The following TRPM7 variants were observed in gnomAD, a reference collection of about 807,000 sequenced individuals.
The protein encoded by TRPM7 is transient receptor potential cation channel subfamily M member 7.
In TRPM7, 134 loss-of-function variants were observed where a neutral mutation model predicts 229.7. The ratio of observed to expected loss-of-function variants is 0.58; its 90% CI spans 0.51 to 0.67. The LOEUF (loss-of-function observed/expected upper bound fraction) is 0.67. Ranked by LOEUF, TRPM7 falls within the 30% of genes least tolerant of loss-of-function variation. The pLI is 0.00. For synonymous variants in TRPM7, 699 were observed against 715.2 expected (o/e 0.98, Z 0.36); for missense variants, 1,901 against 2,210.0 (o/e 0.86, Z 2.80).
intron 21 of TRPM7, among the ~76,000 whole-genome samples, chr15:50,600,732 A>G (rs771180750): frequency 1.6e-4 from 25 of 152,258 alleles, no homozygotes; most frequent in Non-Finnish European, 1.0e-4. Flanking sequence ...AAGGCCGGAT[A>G]AAGTAATTTT....
chr15:50,594,005 A>C (rs1596132139), intron 24 of TRPM7, among the ~76,000 whole-genome samples: 2 of 152,202 alleles, frequency 1.3e-5, no homozygotes, highest in East Asian at 1.9e-4. Context: ...TCCCTCCGCT[A>C]TCTCTCTCAT....
At chr15:50,646,316 C>A (rs908615930) in intron 4 of TRPM7, among the ~76,000 whole-genome samples, 19 of 152,126 alleles carry the variant, frequency 1.2e-4, no homozygotes, top group Admixed American at 1.2e-3. Flanking sequence ...AGGTCTGGCT[C>A]TGTTGCCCAG....
At chr15:50,665,668 G>A (rs889344769) in intron 1 of TRPM7, among the ~76,000 whole-genome samples, 1 of 152,122 alleles carries the variant, frequency 6.6e-6, no homozygotes, top group Non-Finnish European at 1.5e-5. Context: ...TGCATGTATA[G>A]GAAAATGTAT....
rs1434536997 is a variant in TRPM7, at chr15:50,592,375, G to C, written c.3860C>G (p.Ser1287Cys). ...NLIDDGPVRP[S>C]VWKKHGVVNT... ...TACAACACCATGCTTTTTCCATACA[G>C]AAGGTCTTACAGGACCATCATCAAT... Residue 1287 changes from serine to cysteine, a missense_variant, in exon 26 of 39, where the codon TCT becomes TGT. Physicochemically the swap from Ser to Cys is moderately radical, Grantham distance 112. Coordinates refer to ENST00000646667, the MANE Select transcript of TRPM7 (RefSeq NM_017672.6). The C allele has an allele frequency of 6.2e-7, 1 of 1,614,168 alleles. No homozygotes were observed. The highest frequency in any genetic ancestry group is 8.5e-7 in the Non-Finnish European group (1 of 1,180,028).
chr15:50,676,698 T>G (rs1248727737), intron 1 of TRPM7, among the ~76,000 whole-genome samples: 24 of 152,124 alleles, frequency 1.6e-4, no homozygotes, highest in Admixed American at 1.6e-3. Flanking sequence ...TAAGGCTTTT[T>G]GCCTGAAAAC....
intron 5 of TRPM7, among the ~76,000 whole-genome samples, chr15:50,643,101 C>T (rs1422253177): frequency 6.6e-6 from 1 of 151,992 alleles, no homozygotes; most frequent in Non-Finnish European, 1.5e-5. Context: ...CCAGCCTGAC[C>T]AATATGGTGA....
rs1032767822 is a variant in TRPM7, at chr15:50,558,772, G to A, written c.*2906C>T. The A allele has an allele frequency of 6.6e-6, 1 of 151,970 alleles. No individual in the cohort carries two copies. Among genetic ancestry groups the A allele is most frequent in the African/African-American group, 2.4e-5 (1 of 41,394 alleles). The allele number at this position is 151,970 out of a possible 1,614,324, so 9.4% of individuals were successfully genotyped here. On this transcript the variant is annotated 3_prime_UTR_variant, in exon 39 of 39. Coordinates refer to ENST00000646667, the MANE Select transcript of TRPM7 (RefSeq NM_017672.6). ...GGTACGTGTGGTGGTGCATGCCTGT[G>A]GTTCCACCTAATCAAGAGGCAGTGG...
At chr15:50,682,203 T>C (rs1241826305) in intron 1 of TRPM7, among the ~76,000 whole-genome samples, 2 of 94,976 alleles carry the variant, frequency 2.1e-5, no homozygotes, top group Admixed American at 1.2e-4. Flanking sequence ...GACTGTGACC[T>C]GGCAAAAATA....
chr15:50,615,048 G>A (rs2060181650), intron 13 of TRPM7, among the ~76,000 whole-genome samples: 1 of 151,550 alleles, frequency 6.6e-6, no homozygotes, highest in South Asian at 2.1e-4. Flanking sequence ...GCAGGCACCT[G>A]TAATCCCAGC....
chr15:50,583,746 T>G (rs561294516), intron 28 of TRPM7, among the ~76,000 whole-genome samples: 11 of 152,072 alleles, frequency 7.2e-5, no homozygotes, highest in Non-Finnish European at 1.6e-4. Context: ...CCGGCTAATT[T>G]TGTTTTCAGT....
chr15:50,583,336 G>T (rs2054517837), intron 28 of TRPM7, among the ~76,000 whole-genome samples, 177 bp from the exon 29 acceptor site: 1 of 151,968 alleles, frequency 6.6e-6, no homozygotes, highest in African/African-American at 2.4e-5. Flanking sequence ...TTTATTTTGA[G>T]TAAACTATTC....
chr15:50,571,957 G>A (rs2053912172), intron 36 of TRPM7, among the ~76,000 whole-genome samples: 1 of 152,190 alleles, frequency 6.6e-6, no homozygotes, highest in Admixed American at 6.5e-5. Flanking sequence ...AAATGGCACT[G>A]CGTGCTACAG....
At chr15:50,580,946 A>G in intron 29 of TRPM7, 38 bp from the exon 30 acceptor site, 5 of 1,558,552 alleles carry the variant, frequency 3.2e-6, no homozygotes, top group Non-Finnish European at 4.3e-6. Context: ...CAAAAACCTT[A>G]AAGACAAAAA....
intron 3 of TRPM7, 139 bp from the exon 4 acceptor site, chr15:50,649,024 T>C: frequency 1.8e-6 from 1 of 543,120 alleles, no homozygotes; most frequent in Non-Finnish European, 3.0e-6. Flanking sequence ...AGCTTTTTGA[T>C]TTTAGGATAT....
intron 37 of TRPM7, 44 bp from the exon 38 acceptor site, chr15:50,570,037 G>A (rs1175203392): frequency 1.3e-5 from 20 of 1,584,170 alleles, no homozygotes; most frequent in East Asian, 2.2e-5. Context: ...AAAAAAGGGG[G>A]CAGTTTATAC....
At chr15:50,573,289 T>C (rs981575843) in intron 36 of TRPM7, among the ~76,000 whole-genome samples, 4 of 152,236 alleles carry the variant, frequency 2.6e-5, no homozygotes, top group Admixed American at 6.5e-5. Flanking sequence ...TAAGAGGTTC[T>C]GCTTTCTCTC....
At chr15:50,651,110 C>A (rs2061409536) in intron 3 of TRPM7, among the ~76,000 whole-genome samples, 1 of 152,048 alleles carries the variant, frequency 6.6e-6, no homozygotes, top group East Asian at 1.9e-4. Flanking sequence ...CTGCTTGAGC[C>A]CAGGAGGCAG....
At chr15:50,677,858 A>G (rs1253084637) in intron 1 of TRPM7, among the ~76,000 whole-genome samples, 1 of 152,034 alleles carries the variant, frequency 6.6e-6, no homozygotes, top group Non-Finnish European at 1.5e-5. Context: ...AATGTGACCC[A>G]TATTCAAAAG....
At position 50,564,248 on chromosome 15, in the gene TRPM7, A is replaced by AAAAATAAAAT. The variant is rs58216853; in HGVS notation, c.5468-2450_5468-2441dup. Among the ~76,000 whole-genome samples the AAAAATAAAAT allele has an allele frequency of 8.4e-3, 1,050 of 124,766 alleles. 40 individuals carry two copies. The highest frequency in any genetic ancestry group is 0.026 in the African/African-American group (774 of 29,328). 81.9% of individuals were successfully genotyped at this position (124,766 alleles called of 152,430 possible). A position where few individuals can be genotyped will look rare whatever the true frequency, so the allele number is the denominator to read the frequency against. On this transcript the variant is annotated intron_variant, in intron 38 of 38. Transcript: ENST00000646667. Reference sequence around the variant, plus strand: ...TGGGTGACAGAGTGAGACTGTCTCAAAAAATAAAATAAAATAAAATAAAAT... The same window carrying AAAAATAAAAT: ...TGGGTGACAGAGTGAGACTGTCTCAAAAAATAAAATAAAATAAAATAAAATAAAATAAAAT...
Sources: allele counts gnomAD v4.1 joint callset (sites outside exome capture counted in the v4.1 genomes callset), GRCh38; gene constraint gnomAD v4.1.1; transcripts MANE v1.5; gene names NCBI Gene and HGNC (gene_info 2026-07-23, HGNC 2026-07-21).